Variants in ZNF787 observed in about 807,000 individuals in gnomAD.
The protein encoded by ZNF787 is TTF-I-interacting peptide 20.
In ZNF787, 7 loss-of-function variants were observed where a neutral mutation model predicts 16.9. The observed-to-expected ratio is 0.42, with a 90% CI of 0.24 to 0.78. ZNF787 has a LOEUF of 0.78. Among genes scored for constraint, ZNF787 ranks in the 30% least tolerant of loss-of-function variants. ZNF787 has a pLI of 0.30. For synonymous variants in ZNF787, 345 were observed against 270.9 expected (o/e 1.27, Z -2.69); for missense variants, 551 against 589.3 (o/e 0.94, Z 0.67).
rs2030213388 is a variant in ZNF787, at chr19:56,118,982, C to G, written c.-11+2190G>C. Among the ~76,000 whole-genome samples, 3 of 152,146 alleles carry G rather than the reference C, an allele frequency of 2.0e-5. No homozygotes were observed. In the South Asian group the frequency reaches 6.2e-4, roughly 32 times the overall value. ...TCTATCTTTCAAGACACAATACCTCCCCTGCACCACACACCCCTCCCTCAA... is the reference window on the plus strand; with the variant it reads ...TCTATCTTTCAAGACACAATACCTCGCCTGCACCACACACCCCTCCCTCAA... On this transcript the variant is annotated intron_variant, in intron 1 of 2. Transcript: ENST00000610935.
At chr19:56,112,552 T>A (rs1055173788) in intron 1 of ZNF787, among the ~76,000 whole-genome samples, 8 of 147,664 alleles carry the variant, frequency 5.4e-5, no homozygotes, top group Admixed American at 2.0e-4. Context: ...CAATCTCACC[T>A]CCTCCTCCCC....
rs531314910 is a variant in ZNF787, at chr19:56,097,134, C to T, written c.79+6005G>A. ...AGCTCCACGGCCCAGGCAGGTGTCT[C>T]GGCCCTTTTTTCCCAGCACCCAGAC... On this transcript the variant is annotated intron_variant, in intron 2 of 2. Coordinates refer to ENST00000610935, the MANE Select transcript of ZNF787 (RefSeq NM_001002836.4). 1.5e-4 allele frequency among the ~76,000 whole-genome samples: 23 copies of T among 152,268 alleles called. No individual in the cohort carries two copies. In the South Asian group the frequency reaches 3.9e-3, roughly 26 times the overall value.
At chr19:56,097,977 A>C (rs897163580) in intron 2 of ZNF787, among the ~76,000 whole-genome samples, 19 of 152,166 alleles carry the variant, frequency 1.2e-4, no homozygotes, top group African/African-American at 4.3e-4. Context: ...CCTCATGCTG[A>C]AGCCCGGCCT....
rs541272629 is a variant in ZNF787 at position 56,100,974 on chromosome 19, C to T, written c.79+2165G>A. Among the ~76,000 whole-genome samples, 196 of 136,266 alleles carry T rather than the reference C, an allele frequency of 1.4e-3. 8 individuals carry two copies. Among genetic ancestry groups the T allele is most frequent in the Non-Finnish European group, 2.4e-3 (151 of 63,998 alleles). The allele number at this position is 136,266 out of a possible 152,430, so 89.4% of individuals were successfully genotyped here. A position where few individuals can be genotyped will look rare whatever the true frequency, so the allele number is the denominator to read the frequency against. On this transcript the variant is annotated intron_variant, in intron 2 of 2. Coordinates refer to ENST00000610935, the MANE Select transcript of ZNF787 (RefSeq NM_001002836.4). Reference sequence around the variant, plus strand: ...GTCACATAGGAGGGACGCACGTAGGCGGGACTCCACACGCCATGGCCAGGC... The same window carrying T: ...GTCACATAGGAGGGACGCACGTAGGTGGGACTCCACACGCCATGGCCAGGC...
At chr19:56,120,679 G>A (rs1378992914) in intron 1 of ZNF787, among the ~76,000 whole-genome samples, 1 of 151,900 alleles carries the variant, frequency 6.6e-6, no homozygotes, top group Non-Finnish European at 1.5e-5. Context: ...TCGGGGCCGC[G>A]GTATCCGGCC....
At chr19:56,112,603 C>T (rs1292153859) in intron 1 of ZNF787, among the ~76,000 whole-genome samples, 1 of 151,278 alleles carries the variant, frequency 6.6e-6, no homozygotes, top group Non-Finnish European at 1.5e-5. Context: ...CTCCGTGGCC[C>T]TCCCTGCCCA....
chr19:56,109,877 C>T (rs901903803), intron 1 of ZNF787, among the ~76,000 whole-genome samples: 1 of 152,154 alleles, frequency 6.6e-6, no homozygotes, highest in Non-Finnish European at 1.5e-5. Flanking sequence ...AAGTGAGACT[C>T]CGTCTCAAAA....
rs907802071 is a variant in ZNF787, at chr19:56,114,849, G to A, written c.-11+6323C>T. On this transcript the variant is annotated intron_variant, in intron 1 of 2. Coordinates refer to ENST00000610935, the MANE Select transcript of ZNF787 (RefSeq NM_001002836.4). ...ACCAACACTGCTGCCCGGCCCCGCC[G>A]CAGAGCCCTCTCCTGCTCACCTTCC... 6.6e-5 allele frequency among the ~76,000 whole-genome samples: 10 copies of A among 152,114 alleles called. No homozygotes were observed. The East Asian group carries it at 9.7e-4, about 15-fold the overall frequency.
In ZNF787 at chr19:56,087,877, C is replaced by A. The variant is rs958944439; in HGVS notation, c.*146G>T. The A allele has an allele frequency of 4.0e-6, 5 of 1,245,124 alleles. No homozygotes were observed. The Admixed American group carries it at 1.8e-4, about 44-fold the overall frequency. The allele number at this position is 1,245,124 out of a possible 1,614,324, so 77.1% of individuals were successfully genotyped here. On this transcript the variant is annotated 3_prime_UTR_variant, in exon 3 of 3. Coordinates refer to ENST00000610935, the MANE Select transcript of ZNF787 (RefSeq NM_001002836.4). ...CGCCCCAGTGCCCCCCCACGGACGG[C>A]GCAGGGACAGAGGAGGGCGGGGAGC...
chr19:56,100,361 C>T (rs1295606215), intron 2 of ZNF787, among the ~76,000 whole-genome samples: 1 of 152,126 alleles, frequency 6.6e-6, no homozygotes, highest in Admixed American at 6.5e-5. Context: ...TCTCAACCTT[C>T]CCTAGGCCAC....
At position 56,096,866 on chromosome 19, in the gene ZNF787, G is replaced by A. The variant is rs16960340; in HGVS notation, c.79+6273C>T. ...TCCTGTTGGCACCGCTCCCTCCTCAGAAGCGGAATGTCTTTATTTCGTTAT... is the reference window on the plus strand; with the variant it reads ...TCCTGTTGGCACCGCTCCCTCCTCAAAAGCGGAATGTCTTTATTTCGTTAT... On this transcript the variant is annotated intron_variant, in intron 2 of 2. Transcript: ENST00000610935. Among the ~76,000 whole-genome samples the A allele has an allele frequency of 8.2e-3, 1,242 of 152,306 alleles. 18 individuals are homozygous for A. Among genetic ancestry groups the A allele is most frequent in the African/African-American group, 0.028 (1,168 of 41,570 alleles).
At position 56,088,058 on chromosome 19, in the gene ZNF787, G is replaced by C. The variant is rs757737614; in HGVS notation, c.1114C>G (p.Arg372Gly). The C allele has an allele frequency of 4.6e-6, 5 of 1,083,382 alleles. No individual in the cohort carries two copies. Among genetic ancestry groups the C allele is most frequent in the Admixed American group, 4.6e-5 (1 of 21,906 alleles). The allele number at this position is 1,083,382 out of a possible 1,614,324, so 67.1% of individuals were successfully genotyped here. A position where few individuals can be genotyped will look rare whatever the true frequency, so the allele number is the denominator to read the frequency against. ...EDDDDEAAGG[R>G]CPECRGGEGR ...TCCCCACCGCGGCACTCGGGGCACC[G>C]CCCGCCCGCGGCCTCGTCGTCGTCG... The change falls in exon 3 of 3, where the codon CGG becomes GGG. Residue 372 changes from arginine (R) to glycine (G), a missense_variant. Physicochemically the swap from Arg to Gly is moderately radical, Grantham distance 125. Coordinates refer to ENST00000610935, the MANE Select transcript of ZNF787 (RefSeq NM_001002836.4). The surrounding 1 kb of genome is among the most constrained non-coding windows in gnomAD (Gnocchi z 8.6).
intron 2 of ZNF787, among the ~76,000 whole-genome samples, chr19:56,095,949 T>C (rs1985851198): frequency 6.6e-6 from 1 of 152,204 alleles, no homozygotes; most frequent in Admixed American, 6.5e-5. Flanking sequence ...CAGCTGTATT[T>C]TGCAACTCAT....
intron 2 of ZNF787, among the ~76,000 whole-genome samples, chr19:56,093,132 T>C (rs1291295231): frequency 2.0e-5 from 3 of 147,122 alleles, no homozygotes; most frequent in Non-Finnish European, 4.5e-5. Context: ...GGATATTCCA[T>C]AGACACAGGG....
intron 1 of ZNF787, among the ~76,000 whole-genome samples, chr19:56,111,783 T>C (rs930388966): frequency 1.3e-5 from 2 of 152,122 alleles, no homozygotes; most frequent in Non-Finnish European, 2.9e-5. Context: ...GACAGCACTG[T>C]GCCCCTGTGA....
chr19:56,098,439 C>G (rs978936119), intron 2 of ZNF787, among the ~76,000 whole-genome samples: 1 of 151,822 alleles, frequency 6.6e-6, no homozygotes, highest in African/African-American at 2.4e-5. Flanking sequence ...GTAATACGGC[C>G]GCAGGGTGAT....
intron 2 of ZNF787, among the ~76,000 whole-genome samples, chr19:56,090,611 C>A (rs1985537855): frequency 6.6e-6 from 1 of 152,178 alleles, no homozygotes; most frequent in Admixed American, 6.5e-5. Context: ...CACTTGAGGT[C>A]AGGAGTTCAA....
rs1187600810 is a variant in ZNF787, at chr19:56,088,038, A to G, written c.1134T>C (p.Gly378=). 7 of 1,145,008 alleles carry G rather than the reference A, an allele frequency of 6.1e-6. No individual in the cohort carries two copies. Among genetic ancestry groups the G allele is most frequent in the Admixed American group, 8.4e-5 (1 of 11,922 alleles). 70.9% of individuals were successfully genotyped at this position (1,145,008 alleles called of 1,614,324 possible). The change falls in exon 3 of 3, where the codon GGT becomes GGC. Residue 378 remains glycine, a synonymous_variant. Transcript: ENST00000610935. The surrounding 1 kb of genome is among the most constrained non-coding windows in gnomAD (Gnocchi z 8.6). The part of the protein sequence containing the change: ...AAGGRCPECR[G]GEGR ...GGCCCCTCCCCTACCGGCCCTCCCC[A>G]CCGCGGCACTCGGGGCACCGCCCGC...
chr19:56,112,700 C>T (rs1169477315), intron 1 of ZNF787, among the ~76,000 whole-genome samples: 2 of 151,846 alleles, frequency 1.3e-5, no homozygotes, highest in African/African-American at 2.4e-5. Flanking sequence ...CAGCCACCTC[C>T]CTTCCTTCCC....
Sources: allele counts gnomAD v4.1 joint callset (sites outside exome capture counted in the v4.1 genomes callset), GRCh38; gene constraint gnomAD v4.1.1; non-coding constraint Gnocchi (gnomAD v3.1); transcripts MANE v1.5; gene names NCBI Gene and HGNC (gene_info 2026-07-23, HGNC 2026-07-21).